The following HDAC8 variants were observed in gnomAD, a reference collection of about 807,000 sequenced individuals.
HDAC8 encodes histone deacetylase 8.
Under a neutral mutation model 32.2 loss-of-function variants are expected in HDAC8, and 1 was observed. That is an observed-to-expected ratio of 0.03 (90% CI 0.01 to 0.15). The LOEUF is 0.15. Ranked by LOEUF, HDAC8 falls within the 10% of genes least tolerant of loss-of-function variation. The probability of loss-of-function intolerance (pLI) is 1.00; values close to 1 mark genes in which losing one functional copy is unlikely to be tolerated. For missense variants in HDAC8, 117 were observed against 300.0 expected, an observed-to-expected ratio of 0.39 and a Z score of 4.51; for synonymous variants, 108 against 113.9, an observed-to-expected ratio of 0.95 and a Z score of 0.33.
At chrX:72,378,140 T>C (rs1306704943) in intron 9 of HDAC8, among the ~76,000 whole-genome samples, 1 of 111,008 alleles carries the variant, frequency 9.0e-6, no homozygotes, top group African/African-American at 3.3e-5. Context: ...GTATATGTTA[T>C]GGTTTGGATA....
intron 9 of HDAC8, among the ~76,000 whole-genome samples, chrX:72,417,908 A>G (rs1423170492): frequency 6.3e-5 from 7 of 111,772 alleles, no homozygotes; most frequent in Non-Finnish European, 5.7e-5. Context: ...CCCCTGAAAT[A>G]CAGCTGCACA....
intron 9 of HDAC8, among the ~76,000 whole-genome samples, chrX:72,451,879 C>T (rs1215214213): frequency 8.9e-6 from 1 of 112,167 alleles, no homozygotes; most frequent in Non-Finnish European, 1.9e-5. Context: ...TTCACCCAGG[C>T]TTTCTACCTG....
chrX:72,440,988 G>C (rs977387345), intron 9 of HDAC8, among the ~76,000 whole-genome samples: 1 of 112,800 alleles, frequency 8.9e-6, no homozygotes, highest in African/African-American at 3.2e-5. Flanking sequence ...AGGGAGGGGC[G>C]CCCGCCATTG....
intron 7 of HDAC8, among the ~76,000 whole-genome samples, chrX:72,472,067 TA>T (rs2048195080): frequency 9.8e-6 from 1 of 101,612 alleles, no homozygotes; most frequent in African/African-American, 3.7e-5. Context: ...TATTTTATTT[TA>T]TTTATTTTTT....
intron 9 of HDAC8, among the ~76,000 whole-genome samples, chrX:72,425,665 G>A (rs1285675731): frequency 9.0e-6 from 1 of 111,672 alleles, no homozygotes; most frequent in Non-Finnish European, 1.9e-5. Context: ...ATCATTTAAG[G>A]TAGCTCAAGA....
intron 9 of HDAC8, among the ~76,000 whole-genome samples, chrX:72,381,548 G>A (rs1395069087): frequency 3.6e-5 from 4 of 112,006 alleles, no homozygotes; most frequent in Middle Eastern, 9.2e-3. Flanking sequence ...GCTCAAGCAG[G>A]CATTCAACTC....
intron 4 of HDAC8, among the ~76,000 whole-genome samples, chrX:72,526,040 T>A (rs111964770): frequency 0.038 from 4,145 of 109,691 alleles, 96 homozygotes; most frequent in Non-Finnish European, 0.063. Context: ...GAGACCAGCC[T>A]GGGCAACATA....
chrX:72,437,768 G>A lies in HDAC8; in HGVS notation c.1005+24236C>T, dbSNP rs187390758. 6.4e-3 allele frequency among the ~76,000 whole-genome samples: 715 copies of A among 112,081 alleles called. 6 individuals are homozygous for A. Among genetic ancestry groups the A allele is most frequent in the African/African-American group, 0.022 (684 of 30,898 alleles). ...GAGACCACCACAGCTCTGCAAAGCC[G>A]CTGTACCCAGACTGCCTCTCTAGAT... is the stretch of plus-strand genomic sequence containing the variant. On this transcript the variant is annotated intron_variant, in intron 9 of 10. Transcript: ENST00000373573.
At chrX:72,373,913 T>C (rs782681485) in intron 9 of HDAC8, among the ~76,000 whole-genome samples, 4 of 112,442 alleles carry the variant, frequency 3.6e-5, no homozygotes, top group Admixed American at 9.4e-5. Context: ...TGATATTTCA[T>C]AGTGGTTTGG....
At chrX:72,351,545 C>T (rs1191496695) in intron 10 of HDAC8, among the ~76,000 whole-genome samples, 188 bp downstream of exon 10, 1 of 112,554 alleles carries the variant, frequency 8.9e-6, no homozygotes, top group Admixed American at 9.4e-5. Context: ...AGCCAAATGA[C>T]AATCCCAACC....
chrX:72,394,403 T>C lies in HDAC8; in HGVS notation c.1006-42565A>G, dbSNP rs2147858828. On this transcript the variant is annotated intron_variant, in intron 9 of 10. Coordinates refer to ENST00000373573, the MANE Select transcript of HDAC8 (RefSeq NM_018486.3). ...GACCTCTCACCACAAAATTCTGTGG[T>C]TTTTGTCCAATAATGGTAAAAGACA... Among the ~76,000 whole-genome samples, 3 of 112,286 alleles carry C rather than the reference T, an allele frequency of 2.7e-5. 1 individual carries two copies. Among genetic ancestry groups the C allele is most frequent in the South Asian group, 7.5e-4 (2 of 2,678 alleles).
intron 10 of HDAC8, among the ~76,000 whole-genome samples, chrX:72,332,089 A>G (rs2043540866): frequency 8.9e-6 from 1 of 112,526 alleles, no homozygotes; most frequent in African/African-American, 3.2e-5. Flanking sequence ...CTTAAGATCC[A>G]TCCAAGTTGT....
At chrX:72,385,892 C>T (rs1429357062) in intron 9 of HDAC8, among the ~76,000 whole-genome samples, 3 of 112,088 alleles carry the variant, frequency 2.7e-5, no homozygotes, top group Non-Finnish European at 5.6e-5. Flanking sequence ...CTGTACTCTA[C>T]CGCCTCTGCC....
chrX:72,494,987 CA>C (rs1458501041), intron 5 of HDAC8, among the ~76,000 whole-genome samples, 168 bp downstream of exon 5: 1 of 111,406 alleles, frequency 9.0e-6, no homozygotes, highest in Non-Finnish European at 1.9e-5. Flanking sequence ...GCTTGGGCAG[CA>C]AAGCAGGAAT....
At chrX:72,413,751 G>A (rs1341826711) in intron 9 of HDAC8, among the ~76,000 whole-genome samples, 1 of 111,443 alleles carries the variant, frequency 9.0e-6, no homozygotes, top group Non-Finnish European at 1.9e-5. Flanking sequence ...GCTGCTGTGT[G>A]AAGAAGGATG....
At chrX:72,347,230 T>A (rs1032280830) in intron 10 of HDAC8, among the ~76,000 whole-genome samples, 5 of 111,874 alleles carry the variant, frequency 4.5e-5, no homozygotes, top group African/African-American at 1.6e-4. Context: ...ATCTGTGTTG[T>A]TTCTGTCCAC....
intron 3 of HDAC8, among the ~76,000 whole-genome samples, chrX:72,568,233 TCA>T (rs1182192030): frequency 8.9e-6 from 1 of 112,019 alleles, no homozygotes; most frequent in Non-Finnish European, 1.9e-5. Flanking sequence ...GATGAACTAG[TCA>T]CAGGCTACAG....
chrX:72,440,025 T>C (rs1194126970), intron 9 of HDAC8, among the ~76,000 whole-genome samples: 1 of 112,174 alleles, frequency 8.9e-6, no homozygotes, highest in Non-Finnish European at 1.9e-5. Flanking sequence ...ATACACATTC[T>C]TCTCAGCACC....
At chrX:72,387,385 G>A (rs959405575) in intron 9 of HDAC8, among the ~76,000 whole-genome samples, 2 of 112,278 alleles carry the variant, frequency 1.8e-5, no homozygotes, top group African/African-American at 3.2e-5. Context: ...CCAGCAGGGC[G>A]GGTTTCTGTA....
Sources: allele counts gnomAD v4.1 joint callset (sites outside exome capture counted in the v4.1 genomes callset), GRCh38; gene constraint gnomAD v4.1.1; transcripts MANE v1.5; gene names NCBI Gene and HGNC (gene_info 2026-07-23, HGNC 2026-07-21).